SGCG: variants seen among roughly 807,000 people sequenced by gnomAD.
The protein encoded by SGCG is gamma-sarcoglycan.
A neutral mutation model predicts 29.3 loss-of-function variants in SGCG; 26 were observed. The observed-to-expected ratio is 0.89, with a 90% CI of 0.65 to 1.23. The LOEUF (loss-of-function observed/expected upper bound fraction) is 1.23. Ranked by LOEUF, SGCG falls within the 50% of genes most tolerant of loss-of-function variation. The pLI is 0.00. For synonymous variants in SGCG, 145 were observed against 129.7 expected, an observed-to-expected ratio of 1.12 and a Z score of -0.80; for missense variants, 353 against 356.0, an observed-to-expected ratio of 0.99 and a Z score of 0.07.
At position 23,283,226 on chromosome 13, in the gene SGCG, C is replaced by G. The variant is rs937547120; in HGVS notation, c.505+3748C>G. ...AATATTGACAGTGGGATGTTAAAGT[C>G]TCCTACTATTATTGTGTGGGAGTCT... is the stretch of plus-strand genomic sequence containing the variant. On this transcript the variant is annotated intron_variant, in intron 5 of 7. Transcript: ENST00000218867. Among the ~76,000 whole-genome samples, 9 of 152,232 alleles carry G rather than the reference C, an allele frequency of 5.9e-5. No homozygotes were observed. The South Asian group carries it at 1.5e-3, about 25-fold the overall frequency.
rs540926287 is a variant in SGCG at position 23,296,947 on chromosome 13, A to G, written c.578+1460A>G. 8.0e-4 allele frequency among the ~76,000 whole-genome samples: 122 copies of G among 152,298 alleles called. 2 individuals carry two copies. The South Asian group carries it at 0.023, about 29-fold the overall frequency. ...TTTAAATGGTCTTAAAGTTCATGCT[A>G]TCACTTAAAATCACATTTAGAATTT... On this transcript the variant is annotated intron_variant, in intron 6 of 7. Transcript: ENST00000218867.
the SGCG span, among the ~76,000 whole-genome samples, chr13:23,167,028 T>C: frequency 3.6e-3 from 554 of 152,326 alleles, 4 homozygotes; most frequent in African/African-American, 0.013. Context: ...TAACCCATTA[T>C]CCAAACCCCT....
intron 6 of SGCG, among the ~76,000 whole-genome samples, chr13:23,310,198 T>G (rs1882524722): frequency 6.8e-6 from 1 of 147,972 alleles, no homozygotes; most frequent in African/African-American, 2.5e-5. Context: ...GCCATTCTCC[T>G]GCCTCAGCCT....
chr13:23,300,278 C>T (rs1161473333), intron 6 of SGCG, among the ~76,000 whole-genome samples: 2 of 152,062 alleles, frequency 1.3e-5, no homozygotes, highest in Non-Finnish European at 2.9e-5. Context: ...CAGTTAGAAA[C>T]CAAGAAAGGG....
intron 2 of SGCG, among the ~76,000 whole-genome samples, chr13:23,206,941 A>G (rs1421278383): frequency 6.6e-6 from 1 of 152,212 alleles, no homozygotes; most frequent in Non-Finnish European, 1.5e-5. Context: ...CCAATGTTAT[A>G]TTTTTTACAG....
chr13:23,220,017 A>G (rs1029108225), intron 2 of SGCG, among the ~76,000 whole-genome samples: 2 of 149,636 alleles, frequency 1.3e-5, no homozygotes, highest in South Asian at 2.1e-4. Context: ...TTTTTTCTGT[A>G]TTTTTAGTAG....
At chr13:23,289,376 C>G (rs529305235) in intron 5 of SGCG, among the ~76,000 whole-genome samples, 11 of 152,324 alleles carry the variant, frequency 7.2e-5, no homozygotes, top group African/African-American at 2.6e-4. Flanking sequence ...TTTTACGCTA[C>G]CTTTCTTCTC....
intron 6 of SGCG, among the ~76,000 whole-genome samples, chr13:23,297,227 T>TTTA (rs1425090367): frequency 8.4e-6 from 1 of 118,590 alleles, no homozygotes; most frequent in East Asian, 5.4e-4. Context: ...CAGACAATCT[T>TTTA]TTATTTTTTT....
Position 23,234,708 on chromosome 13 carries a change from G to C in SGCG, c.293G>C (p.Arg98Thr). 6.4e-7 allele frequency: 1 copy of C among 1,567,172 alleles called. No individual in the cohort carries two copies. The highest frequency in any genetic ancestry group is 8.8e-7 in the Non-Finnish European group (1 of 1,137,412). Residue 98 changes from arginine to threonine, a missense_variant, in exon 3 of 8, where the codon AGA becomes ACA. Coordinates refer to ENST00000218867, the MANE Select transcript of SGCG (RefSeq NM_000231.3). ...FPLYAKEIHS[R>T]VDSSLLLQST... ...TTGTATGCCAAAGAAATACACTCCA[G>C]AGTGGTAAGAAAATGTTAAGACAAA...
At chr13:23,202,566 G>A (rs1336829221) in intron 1 of SGCG, among the ~76,000 whole-genome samples, 1 of 152,166 alleles carries the variant, frequency 6.6e-6, no homozygotes, top group African/African-American at 2.4e-5. Flanking sequence ...AAAGAAATGA[G>A]TCAATGAATA....
the SGCG span, among the ~76,000 whole-genome samples, chr13:23,172,453 A>G: frequency 6.6e-6 from 1 of 152,170 alleles, no homozygotes; most frequent in Non-Finnish European, 1.5e-5. Context: ...AATAATTAGT[A>G]ATAACGATTT....
chr13:23,259,331 G>A (rs1334415341), intron 4 of SGCG, among the ~76,000 whole-genome samples: 4 of 152,170 alleles, frequency 2.6e-5, no homozygotes, highest in Non-Finnish European at 4.4e-5. Context: ...TATTTGCGTA[G>A]AGGTGTTTAT....
At chr13:23,213,458 G>T (rs1012059774) in intron 2 of SGCG, among the ~76,000 whole-genome samples, 15 of 152,094 alleles carry the variant, frequency 9.9e-5, no homozygotes, top group African/African-American at 3.6e-4. Context: ...CTCCAGCCTG[G>T]GTGACAGAGT....
At chr13:23,230,768 C>T (rs1482768930) in intron 2 of SGCG, among the ~76,000 whole-genome samples, 1 of 147,522 alleles carries the variant, frequency 6.8e-6, no homozygotes, top group African/African-American at 2.6e-5. Flanking sequence ...TATTTGGATA[C>T]CTTTTCTTTC....
chr13:23,238,516 G>A (rs1236805793), intron 3 of SGCG, among the ~76,000 whole-genome samples: 1 of 152,068 alleles, frequency 6.6e-6, no homozygotes, highest in Non-Finnish European at 1.5e-5. Flanking sequence ...CATAAATTAT[G>A]GGCATCAGGT....
intron 5 of SGCG, among the ~76,000 whole-genome samples, chr13:23,282,657 G>T (rs1332791370): frequency 6.6e-6 from 1 of 152,160 alleles, no homozygotes; most frequent in African/African-American, 2.4e-5. Context: ...AGAAGGGCAT[G>T]CATGATCACA....
At chr13:23,293,113 A>G (rs1355121268) in intron 5 of SGCG, among the ~76,000 whole-genome samples, 2 of 152,214 alleles carry the variant, frequency 1.3e-5, no homozygotes, top group Non-Finnish European at 2.9e-5. Flanking sequence ...AGTGGTTGGT[A>G]TAGCCTAACT....
Position 23,211,688 on chromosome 13 carries a change from C to T in SGCG, c.195+7799C>T, listed in dbSNP as rs968024956. On this transcript the variant is annotated intron_variant, in intron 2 of 7. Transcript: ENST00000218867. ...AACAAAAGAAACACCAGCTTCTTGACCGCAGGCTGGGCACAGTTACCTCTG... is the reference window on the plus strand; with the variant it reads ...AACAAAAGAAACACCAGCTTCTTGATCGCAGGCTGGGCACAGTTACCTCTG... 2.6e-5 allele frequency among the ~76,000 whole-genome samples: 4 copies of T among 152,298 alleles called. No homozygotes were observed. The South Asian group carries it at 8.3e-4, about 32-fold the overall frequency.
the SGCG span, among the ~76,000 whole-genome samples, chr13:23,166,021 G>A: frequency 1.3e-5 from 2 of 152,004 alleles, no homozygotes; most frequent in African/African-American, 4.8e-5. Context: ...TAATCTATGT[G>A]CCTTTTATTT....
Sources: gnomAD v4.1 joint callset for allele counts (sites outside exome capture counted in the v4.1 genomes callset) on GRCh38, gnomAD v4.1.1 for gene constraint, MANE v1.5 for transcripts, NCBI Gene and HGNC (gene_info 2026-07-23, HGNC 2026-07-21) for gene names.